Variants in SPOCK3 observed in about 807,000 individuals in gnomAD.
The protein encoded by SPOCK3 is testican-3.
A neutral mutation model predicts 56.6 loss-of-function variants in SPOCK3; 30 were observed. That is an observed-to-expected ratio of 0.53 (90% CI 0.40 to 0.72). SPOCK3 has a LOEUF of 0.72. Ranked by LOEUF, SPOCK3 falls within the 30% of genes least tolerant of loss-of-function variation. The pLI is 0.00. For synonymous variants in SPOCK3, 196 were observed against 183.3 expected (o/e 1.07, Z -0.56); for missense variants, 527 against 530.0 (o/e 0.99, Z 0.06).
chr4:167,146,984 G>A (rs1031995494), intron 2 of SPOCK3, among the ~76,000 whole-genome samples: 4 of 151,976 alleles, frequency 2.6e-5, no homozygotes, highest in African/African-American at 9.7e-5. Context: ...AGGAGATAGA[G>A]ACACGAAAAA....
chr4:167,216,712 C>T (rs13142639), intron 2 of SPOCK3, among the ~76,000 whole-genome samples: 4,818 of 152,092 alleles, frequency 0.032, 115 homozygotes, highest in Middle Eastern at 0.075. Flanking sequence ...CTTTTACCTA[C>T]GTTTTAAATA....
intron 5 of SPOCK3, among the ~76,000 whole-genome samples, chr4:166,910,323 A>C (rs1165303143): frequency 1.3e-5 from 2 of 152,164 alleles, no homozygotes; most frequent in Non-Finnish European, 2.9e-5. Flanking sequence ...GTTAAAAGTG[A>C]CATTTATGTA....
chr4:166,763,824 C>T (rs549987298), intron 7 of SPOCK3, among the ~76,000 whole-genome samples: 1 of 152,174 alleles, frequency 6.6e-6, no homozygotes, highest in South Asian at 2.1e-4. Flanking sequence ...GGTATTGCTG[C>T]TGTAATAGAT....
chr4:166,947,794 T>C (rs1741963513), intron 4 of SPOCK3, among the ~76,000 whole-genome samples: 1 of 152,238 alleles, frequency 6.6e-6, no homozygotes. Context: ...GATAAATGTA[T>C]ATATTGTTTA....
intron 2 of SPOCK3, among the ~76,000 whole-genome samples, chr4:167,174,902 A>G (rs907046713): frequency 7.2e-5 from 11 of 152,058 alleles, no homozygotes; most frequent in African/African-American, 2.7e-4. Flanking sequence ...TGTAATATAC[A>G]TTCTCAAAGG....
chr4:166,924,413 C>A (rs1738837730), intron 4 of SPOCK3, among the ~76,000 whole-genome samples: 1 of 152,136 alleles, frequency 6.6e-6, no homozygotes, highest in African/African-American at 2.4e-5. Flanking sequence ...TTAAACCTTT[C>A]AGAACACTGT....
chr4:166,907,905 G>A (rs1286707655), intron 5 of SPOCK3, among the ~76,000 whole-genome samples: 3 of 151,904 alleles, frequency 2.0e-5, no homozygotes, highest in South Asian at 2.1e-4. Flanking sequence ...AAAATCAAAC[G>A]CAACCTAAGT....
chr4:166,976,877 T>A (rs1195278587), intron 4 of SPOCK3, among the ~76,000 whole-genome samples: 1 of 151,600 alleles, frequency 6.6e-6, no homozygotes, highest in African/African-American at 2.4e-5. Flanking sequence ...ACAGATATTA[T>A]ATATATATAA....
intron 6 of SPOCK3, among the ~76,000 whole-genome samples, chr4:166,808,121 G>A (rs1431572658): frequency 6.6e-6 from 1 of 152,154 alleles, no homozygotes. Flanking sequence ...TCTAGTAGGA[G>A]CAAGTAGAAC....
At chr4:166,836,345 A>G (rs1290913140) in intron 6 of SPOCK3, among the ~76,000 whole-genome samples, 1 of 152,246 alleles carries the variant, frequency 6.6e-6, no homozygotes, top group African/African-American at 2.4e-5. Flanking sequence ...CTTTCTAAGA[A>G]TTATTTTTAA....
chr4:167,002,377 G>A (rs554408902), intron 3 of SPOCK3, among the ~76,000 whole-genome samples: 1 of 151,592 alleles, frequency 6.6e-6, no homozygotes, highest in African/African-American at 2.4e-5. Flanking sequence ...ACATAACCAT[G>A]AGATTTAAAA....
chr4:167,011,566 A>G (rs1274890705), intron 3 of SPOCK3, among the ~76,000 whole-genome samples: 1 of 152,118 alleles, frequency 6.6e-6, no homozygotes, highest in African/African-American at 2.4e-5. Context: ...ACGACAACAA[A>G]AAGTTTCCCC....
chr4:166,873,459 A>G (rs1732713448), intron 6 of SPOCK3, among the ~76,000 whole-genome samples: 1 of 152,118 alleles, frequency 6.6e-6, no homozygotes, highest in African/African-American at 2.4e-5. Flanking sequence ...CAATTGCAGT[A>G]TGATGGAGGA....
chr4:167,062,738 AC>A (rs1755736690), intron 2 of SPOCK3: 1 of 529,434 alleles, frequency 1.9e-6, no homozygotes, highest in South Asian at 3.3e-5. Context: ...AAAGGAACAC[AC>A]TGTTTTCAAG....
At chr4:166,903,368 G>A (rs1018623703) in intron 5 of SPOCK3, among the ~76,000 whole-genome samples, 1 of 151,804 alleles carries the variant, frequency 6.6e-6, no homozygotes, top group Non-Finnish European at 1.5e-5. Context: ...CTCAGCTGTA[G>A]TGTAATTCAG....
chr4:166,894,226 T>TA (rs1735102390), intron 5 of SPOCK3, among the ~76,000 whole-genome samples: 2 of 152,086 alleles, frequency 1.3e-5, no homozygotes, highest in Admixed American at 1.3e-4. Context: ...AACTTCTTTT[T>TA]ATATCACAAA....
intron 2 of SPOCK3, among the ~76,000 whole-genome samples, chr4:167,145,876 T>A (rs935684225): frequency 2.0e-5 from 3 of 152,100 alleles, no homozygotes; most frequent in Non-Finnish European, 2.9e-5. Context: ...ATAAAGACCA[T>A]AGATGCTATG....
rs1387600174 is a variant in SPOCK3, at chr4:166,734,477, G to C, written c.*444C>G. 1 of 152,874 alleles carries C rather than the reference G, an allele frequency of 6.5e-6. No homozygotes were observed. Among genetic ancestry groups the C allele is most frequent in the African/African-American group, 2.4e-5 (1 of 41,422 alleles). 9.5% of individuals were successfully genotyped at this position (152,874 alleles called of 1,614,324 possible). ...CTAGGTCTAGCAAGATGCTACTTTG[G>C]AAATGCAATTAAAGCATGCATATTT... On this transcript the variant is annotated 3_prime_UTR_variant, in exon 11 of 11. Coordinates refer to ENST00000357545, the MANE Select transcript of SPOCK3 (RefSeq NM_001040159.2).
intron 2 of SPOCK3, among the ~76,000 whole-genome samples, chr4:167,176,448 A>ACTTTATAAT (rs1730990320): frequency 1.3e-5 from 2 of 152,090 alleles, no homozygotes; most frequent in Non-Finnish European, 2.9e-5. Context: ...ACATTCTATT[A>ACTTTATAAT]GCATGCCCAT....
Sources: gnomAD v4.1 joint callset for allele counts (sites outside exome capture counted in the v4.1 genomes callset) on GRCh38, gnomAD v4.1.1 for gene constraint, MANE v1.5 for transcripts, NCBI Gene and HGNC (gene_info 2026-07-23, HGNC 2026-07-21) for gene names.